ENTPD7: variants seen among roughly 807,000 people sequenced by gnomAD.
ENTPD7 encodes the protein ectonucleoside triphosphate diphosphohydrolase 7, also known as NTPDase 7.
A neutral mutation model predicts 77.9 loss-of-function variants in ENTPD7; 53 were observed. That is an observed-to-expected ratio of 0.68 (90% CI 0.55 to 0.85). The LOEUF is 0.85. Among genes scored for constraint, ENTPD7 ranks in the 40% least tolerant of loss-of-function variants. The pLI, the probability that ENTPD7 is intolerant of heterozygous loss-of-function variation, is 0.00. For synonymous variants in ENTPD7, 248 were observed against 274.9 expected (o/e 0.90, Z 0.97); for missense variants, 636 against 743.7 (o/e 0.86, Z 1.68).
In ENTPD7 at chr10:99,710,529, A is replaced by G. The variant is rs1252822670; in HGVS notation, c.*5846A>G. The stretch of plus-strand genomic sequence containing the variant: ...GACTCTGTTTTTTCTACTGCTTCAC[A>G]TTAAACAATAATTTTGTTGAATTTT... On this transcript the variant is annotated 3_prime_UTR_variant, in exon 13 of 13. Coordinates refer to ENST00000370489, the MANE Select transcript of ENTPD7 (RefSeq NM_020354.5). 8 of 985,286 alleles carry G rather than the reference A, an allele frequency of 8.1e-6. No homozygotes were observed. Among genetic ancestry groups the G allele is most frequent in the Non-Finnish European group, 9.6e-6 (8 of 829,926 alleles). 61.0% of individuals were successfully genotyped at this position (985,286 alleles called of 1,614,324 possible). A position where few individuals can be genotyped will look rare whatever the true frequency, so the allele number is the denominator to read the frequency against.
Position 99,676,756 on chromosome 10 carries a change from T to C in ENTPD7, c.192-2505T>C, listed in dbSNP as rs77987946. ...CAGTGATTTGATTTATGGGAAGATA[T>C]GTGGTGAAATGGAATCTTTAGCATT... On this transcript the variant is annotated intron_variant, in intron 3 of 12. Transcript: ENST00000370489. 3.2e-3 allele frequency among the ~76,000 whole-genome samples: 493 copies of C among 152,274 alleles called. 1 individual carries two copies. Among genetic ancestry groups the C allele is most frequent in the South Asian group, 6.4e-3 (31 of 4,828 alleles).
chr10:99,669,019 A>C (rs1353820589), intron 3 of ENTPD7, among the ~76,000 whole-genome samples: 1 of 150,582 alleles, frequency 6.6e-6, no homozygotes, highest in Non-Finnish European at 1.5e-5. Context: ...CACTACATGC[A>C]TTCTTTATTT....
chr10:99,695,862 C>T (rs2035963863), intron 8 of ENTPD7, 94 bp from the exon 9 acceptor site: 1 of 1,170,468 alleles, frequency 8.5e-7, no homozygotes, highest in Non-Finnish European at 1.2e-6. Context: ...AAAGAGTAGT[C>T]ATAGAAATGA....
intron 5 of ENTPD7, 75 bp from the exon 6 acceptor site, chr10:99,685,717 A>G: frequency 9.6e-7 from 1 of 1,042,084 alleles, no homozygotes; most frequent in Non-Finnish European, 1.5e-6. Context: ...AAGGCTAAGT[A>G]GAAGGACAAG....
Position 99,711,021 on chromosome 10 carries a change from G to T in ENTPD7, c.*6338G>T, listed in dbSNP as rs752667154. ...AAAAAGGTATTTGGAACATCAATCT[G>T]TAATTATCCATTTTCCATTCATGCA... is the stretch of plus-strand genomic sequence containing the variant. On this transcript the variant is annotated 3_prime_UTR_variant, in exon 13 of 13. Transcript: ENST00000370489. 2.0e-6 allele frequency: 2 copies of T among 985,078 alleles called. No individual in the cohort carries two copies. The highest frequency in any genetic ancestry group is 2.4e-6 in the Non-Finnish European group (2 of 829,728). The allele number at this position is 985,078 out of a possible 1,614,324, so 61.0% of individuals were successfully genotyped here. A position where few individuals can be genotyped will look rare whatever the true frequency, so the allele number is the denominator to read the frequency against.
rs1402054677 is a variant in ENTPD7 at position 99,698,625 on chromosome 10, A to G, written c.1102A>G (p.Ser368Gly). 6.2e-7 allele frequency: 1 copy of G among 1,614,120 alleles called. No homozygotes were observed. The highest frequency in any genetic ancestry group is 1.3e-5 in the African/African-American group (1 of 74,946). Residue 368 changes from serine to glycine, a missense_variant, in exon 10 of 13, where the codon AGC becomes GGC. By Grantham distance (56) the Ser-to-Gly change is moderately conservative. Around this residue, in one of 3 missense-constraint regions of ENTPD7, gnomAD observed 486 missense variants for 556.5 expected, o/e 0.87. Coordinates refer to ENST00000370489, the MANE Select transcript of ENTPD7 (RefSeq NM_020354.5). The stretch of plus-strand genomic sequence containing the variant: ...ACTCACAGATGTGGTGGAGAGGAAC[A>G]GCCAAGTCTTACATGTCCGAGGAAG... Reference protein sequence around the residue: ...VGLTDVVERNSQVLHVRGRGD... With the variant: ...VGLTDVVERNGQVLHVRGRGD...
chr10:99,672,410 A>G (rs2035628573), intron 3 of ENTPD7, among the ~76,000 whole-genome samples: 1 of 151,752 alleles, frequency 6.6e-6, no homozygotes. Flanking sequence ...GGCTTAAGCA[A>G]TCCTCTCACC....
chr10:99,690,237 G>T (rs2035863032), intron 7 of ENTPD7, among the ~76,000 whole-genome samples: 1 of 152,084 alleles, frequency 6.6e-6, no homozygotes, highest in African/African-American at 2.4e-5. Context: ...TTTTAAAAGA[G>T]CCCTGGTTTC....
intron 6 of ENTPD7, 73 bp downstream of exon 6, chr10:99,685,968 A>G: frequency 1.1e-6 from 1 of 924,406 alleles, no homozygotes; most frequent in Non-Finnish European, 1.7e-6. Flanking sequence ...ACGGGTGTTT[A>G]GAATTATTCT....
At chr10:99,678,537 T>C (rs2035713788) in intron 3 of ENTPD7, among the ~76,000 whole-genome samples, 1 of 151,718 alleles carries the variant, frequency 6.6e-6, no homozygotes, top group African/African-American at 2.4e-5. Flanking sequence ...ATAATTATTG[T>C]TTTTATGAAT....
At chr10:99,665,572 G>A (rs968598641) in intron 3 of ENTPD7, among the ~76,000 whole-genome samples, 3 of 152,110 alleles carry the variant, frequency 2.0e-5, no homozygotes, top group African/African-American at 7.2e-5. Context: ...ATGTGCAGAC[G>A]ATAATAGGCA....
Position 99,705,295 on chromosome 10 carries a change from A to C in ENTPD7, c.*612A>C. The stretch of plus-strand genomic sequence containing the variant: ...TCCCTGTCGTAGTGTTGATGATGTT[A>C]GTACATGATTTTAAAGGTTAGAACC... On this transcript the variant is annotated 3_prime_UTR_variant, in exon 13 of 13. Coordinates refer to ENST00000370489, the MANE Select transcript of ENTPD7 (RefSeq NM_020354.5). 1 of 154,826 alleles carries C rather than the reference A, an allele frequency of 6.5e-6. No individual in the cohort carries two copies. Among genetic ancestry groups the C allele is most frequent in the Admixed American group, 6.3e-5 (1 of 15,776 alleles). The allele number at this position is 154,826 out of a possible 1,614,324, so 9.6% of individuals were successfully genotyped here.
At chr10:99,678,843 G>T (rs1330642361) in intron 3 of ENTPD7, among the ~76,000 whole-genome samples, 1 of 149,396 alleles carries the variant, frequency 6.7e-6, no homozygotes, top group Non-Finnish European at 1.5e-5. Flanking sequence ...TATTCTGGAT[G>T]CATCTATACA....
rs765276166 is a variant in ENTPD7 at position 99,702,608 on chromosome 10, G to C, written c.1518G>C (p.Val506=). 6.8e-6 allele frequency: 11 copies of C among 1,613,702 alleles called. No homozygotes were observed. Among genetic ancestry groups the C allele is most frequent in the Non-Finnish European group, 9.3e-6 (11 of 1,179,930 alleles). The part of the protein sequence containing the change: ...DYPNLRTAQL[V]YDREVQWTLG... ...CAAACCTGCGGACAGCCCAGCTGGT[G>C]TATGACCGAGAGGTTCAGTGGACGC... The change falls in exon 12 of 13, where the codon GTG becomes GTC. Residue 506 remains valine, a synonymous_variant. Transcript: ENST00000370489.
rs936575752 is a variant in ENTPD7 at position 99,661,490 on chromosome 10, T to C, written c.53T>C (p.Val18Ala). 2 of 1,613,564 alleles carry C rather than the reference T, an allele frequency of 1.2e-6. No individual in the cohort carries two copies. Among genetic ancestry groups the C allele is most frequent in the Admixed American group, 1.7e-5 (1 of 59,888 alleles). The change falls in exon 3 of 13, where the codon GTG (valine) becomes GCG (alanine). Residue 18 changes from valine to alanine, a missense_variant. Val to Ala is a moderately conservative substitution (Grantham distance 64, BLOSUM62 0). This residue lies in a region of ENTPD7 where 486 missense variants were observed against 556.5 expected (regional missense o/e 0.87). Coordinates refer to ENST00000370489, the MANE Select transcript of ENTPD7 (RefSeq NM_020354.5). Reference sequence around the variant, plus strand: ...TGCCCAGCCTCCTGGTACTTCACTGTGCCCACAGTGAGTCCATTTCTCCGT... The same window carrying C: ...TGCCCAGCCTCCTGGTACTTCACTGCGCCCACAGTGAGTCCATTTCTCCGT... The part of the protein sequence containing the change: ...YLCPASWYFT[V>A]PTVSPFLRQR...
intron 5 of ENTPD7, among the ~76,000 whole-genome samples, chr10:99,680,260 G>A (rs891804300): frequency 1.3e-4 from 20 of 152,160 alleles, no homozygotes; most frequent in Admixed American, 9.8e-4. Context: ...ATAACTGGGG[G>A]AGTCCCTCTT....
intron 5 of ENTPD7, among the ~76,000 whole-genome samples, chr10:99,681,663 G>C (rs57569613): frequency 6.6e-6 from 1 of 152,124 alleles, no homozygotes; most frequent in Non-Finnish European, 1.5e-5. Flanking sequence ...GCAGTATGCA[G>C]AGTTTCCAAT....
chr10:99,706,153 A>T lies in ENTPD7; in HGVS notation c.*1470A>T, dbSNP rs1233861771. ...GTAGAATTCTTCAAAAATAAATTTC[A>T]TACTGGGAACAGAAAGGAACTAAAT... is the stretch of plus-strand genomic sequence containing the variant. On this transcript the variant is annotated 3_prime_UTR_variant, in exon 13 of 13. Transcript: ENST00000370489. 6.6e-6 allele frequency: 1 copy of T among 152,204 alleles called. No individual in the cohort carries two copies. The highest frequency in any genetic ancestry group is 1.9e-4 in the East Asian group (1 of 5,202). The allele number at this position is 152,204 out of a possible 1,614,324, so 9.4% of individuals were successfully genotyped here.
chr10:99,661,327 A>T, intron 2 of ENTPD7, 119 bp from the exon 3 acceptor site: 1 of 778,586 alleles, frequency 1.3e-6, no homozygotes, highest in Non-Finnish European at 2.0e-6. Flanking sequence ...AAGAACATTT[A>T]GACTTCTGTT....
Sources: allele counts gnomAD v4.1 joint callset (sites outside exome capture counted in the v4.1 genomes callset), GRCh38; gene constraint gnomAD v4.1.1; regional missense constraint gnomAD v4.1.1; transcripts MANE v1.5; gene names NCBI Gene and HGNC (gene_info 2026-07-23, HGNC 2026-07-21).